The following SPOCK1 variants were observed in gnomAD, a reference collection of about 807,000 sequenced individuals.
SPOCK1 encodes the protein SPARC (osteonectin), cwcv and kazal like domains proteoglycan 1.
A neutral mutation model predicts 55.3 loss-of-function variants in SPOCK1; 23 were observed. The observed-to-expected ratio is 0.42, with a 90% CI of 0.30 to 0.59. SPOCK1 has a LOEUF of 0.59. Ranked by LOEUF, SPOCK1 falls within the 20% of genes least tolerant of loss-of-function variation. The pLI, the probability that SPOCK1 is intolerant of heterozygous loss-of-function variation, is 0.22. For synonymous variants in SPOCK1, 226 were observed against 221.0 expected (o/e 1.02, Z -0.20); for missense variants, 499 against 552.5 (o/e 0.90, Z 0.97).
At chr5:137,283,157 C>A (rs1220448793) in intron 2 of SPOCK1, among the ~76,000 whole-genome samples, 1 of 152,142 alleles carries the variant, frequency 6.6e-6, no homozygotes, top group Non-Finnish European at 1.5e-5. Context: ...AAGTGGGTAT[C>A]TTTGATTGGG....
chr5:137,201,514 G>C (rs1755424384), intron 3 of SPOCK1, among the ~76,000 whole-genome samples: 1 of 152,130 alleles, frequency 6.6e-6, no homozygotes. Flanking sequence ...CCAGCTGTTT[G>C]GGGAAGAATT....
chr5:137,225,131 G>A (rs1755921225), intron 3 of SPOCK1, among the ~76,000 whole-genome samples: 1 of 151,990 alleles, frequency 6.6e-6, no homozygotes, highest in African/African-American at 2.4e-5. Flanking sequence ...AAACCCAGGT[G>A]ATCCTGAAAT....
chr5:137,327,343 T>C (rs1011382042), intron 2 of SPOCK1, among the ~76,000 whole-genome samples: 1 of 152,244 alleles, frequency 6.6e-6, no homozygotes, highest in Non-Finnish European at 1.5e-5. Context: ...TTAGTAACTT[T>C]TAATTTTTCT....
At chr5:137,059,440 C>A (rs1229801914) in intron 6 of SPOCK1, among the ~76,000 whole-genome samples, 1 of 151,964 alleles carries the variant, frequency 6.6e-6, no homozygotes, top group Admixed American at 6.6e-5. Flanking sequence ...AAATAAATAA[C>A]CAAACTGGGA....
At chr5:137,316,458 T>C (rs995378818) in intron 2 of SPOCK1, among the ~76,000 whole-genome samples, 1 of 152,210 alleles carries the variant, frequency 6.6e-6, no homozygotes, top group Non-Finnish European at 1.5e-5. Flanking sequence ...TGATATCATG[T>C]GATTCAAGGA....
At chr5:137,211,609 C>T (rs1755616390) in intron 3 of SPOCK1, among the ~76,000 whole-genome samples, 1 of 151,976 alleles carries the variant, frequency 6.6e-6, no homozygotes, top group African/African-American at 2.4e-5. Flanking sequence ...AGTTGGGGGC[C>T]CCAAGATAGC....
chr5:137,176,695 A>G (rs1366390815), intron 3 of SPOCK1, among the ~76,000 whole-genome samples: 2 of 152,222 alleles, frequency 1.3e-5, no homozygotes, highest in Non-Finnish European at 2.9e-5. Context: ...TGTTCTCATC[A>G]ATACAAATCA....
chr5:137,426,180 C>T (rs952108484), intron 2 of SPOCK1, among the ~76,000 whole-genome samples: 2 of 152,160 alleles, frequency 1.3e-5, no homozygotes, highest in Non-Finnish European at 2.9e-5. Context: ...AGTTCATATG[C>T]CTGGCCAACA....
At chr5:137,438,987 A>T in intron 2 of SPOCK1, among the ~76,000 whole-genome samples, 1 of 152,244 alleles carries the variant, frequency 6.6e-6, no homozygotes, top group Middle Eastern at 3.2e-3. Context: ...TAAAGCACAC[A>T]CTTTGGAGTC....
At chr5:137,185,204 C>T (rs1380453018) in intron 3 of SPOCK1, among the ~76,000 whole-genome samples, 1 of 152,126 alleles carries the variant, frequency 6.6e-6, no homozygotes, top group Non-Finnish European at 1.5e-5. Flanking sequence ...AAGAAACTGC[C>T]TCTTTTATAT....
Position 136,996,300 on chromosome 5 carries a change from T to C in SPOCK1, c.590-3700A>G, listed in dbSNP as rs145212894. Among the ~76,000 whole-genome samples the C allele has an allele frequency of 1.1e-4, 16 of 152,286 alleles. No homozygotes were observed. In the East Asian group the frequency reaches 2.7e-3, roughly 26 times the overall value. On this transcript the variant is annotated intron_variant, in intron 6 of 10. Coordinates refer to ENST00000394945, the MANE Select transcript of SPOCK1 (RefSeq NM_004598.4). Reference sequence around the variant, plus strand: ...GGTGCCATTCTGGCATTCTACCCTGTGGCAATCCCGGCAATTTCTGGAGAG... The same window carrying C: ...GGTGCCATTCTGGCATTCTACCCTGCGGCAATCCCGGCAATTTCTGGAGAG...
chr5:137,447,616 A>G (rs377496522), intron 2 of SPOCK1, among the ~76,000 whole-genome samples: 2 of 3,542 alleles, frequency 5.6e-4, no homozygotes, highest in East Asian at 0.013. Flanking sequence ...CCCCCCCCCA[A>G]TATATGACCC....
chr5:137,389,958 C>T (rs529228760), intron 2 of SPOCK1, among the ~76,000 whole-genome samples: 2 of 152,248 alleles, frequency 1.3e-5, no homozygotes, highest in Admixed American at 6.5e-5. Flanking sequence ...TCCTACTCCA[C>T]CCACAGTGTC....
intron 2 of SPOCK1, among the ~76,000 whole-genome samples, chr5:137,449,997 A>C (rs1753221936): frequency 6.6e-6 from 1 of 152,022 alleles, no homozygotes; most frequent in Admixed American, 6.5e-5. Flanking sequence ...AAATTAAACA[A>C]GGTGGCATTC....
intron 6 of SPOCK1, among the ~76,000 whole-genome samples, chr5:137,035,176 CT>C (rs1425229987): frequency 2.0e-5 from 3 of 152,190 alleles, no homozygotes; most frequent in African/African-American, 7.2e-5. Context: ...GTCTGTGCTG[CT>C]TCTTTTTTCT....
chr5:137,482,110 G>T (rs1488031515), intron 2 of SPOCK1, among the ~76,000 whole-genome samples: 1 of 152,104 alleles, frequency 6.6e-6, no homozygotes, highest in Non-Finnish European at 1.5e-5. Context: ...ATTTGAGGAG[G>T]GATACAGAAT....
intron 3 of SPOCK1, among the ~76,000 whole-genome samples, chr5:137,199,236 C>G (rs909624339): frequency 2.0e-5 from 3 of 152,304 alleles, no homozygotes; most frequent in African/African-American, 7.2e-5. Flanking sequence ...CCAGCCCACA[C>G]GTTGACACAA....
intron 2 of SPOCK1, among the ~76,000 whole-genome samples, chr5:137,380,533 T>C (rs1197740251): frequency 6.6e-6 from 1 of 152,146 alleles, no homozygotes; most frequent in Non-Finnish European, 1.5e-5. Flanking sequence ...GACAATTCCA[T>C]GGGCTTAACA....
chr5:137,221,016 G>A (rs1755837407), intron 3 of SPOCK1, among the ~76,000 whole-genome samples: 1 of 152,168 alleles, frequency 6.6e-6, no homozygotes, highest in African/African-American at 2.4e-5. Flanking sequence ...ACAGAAACGT[G>A]GCCAGCAGAA....
Sources: gnomAD v4.1 joint callset for allele counts (sites outside exome capture counted in the v4.1 genomes callset) on GRCh38, gnomAD v4.1.1 for gene constraint, MANE v1.5 for transcripts, NCBI Gene and HGNC (gene_info 2026-07-23, HGNC 2026-07-21) for gene names.